TG: variants seen among roughly 807,000 people sequenced by gnomAD.
The protein encoded by TG is thyroid hormones.
A neutral mutation model predicts 324.7 loss-of-function variants in TG; 270 were observed. The ratio of observed to expected loss-of-function variants is 0.83; its 90% confidence interval spans 0.75 to 0.92. The LOEUF (loss-of-function observed/expected upper bound fraction) is 0.92, where lower values mean the gene tolerates loss of function less well. Among genes scored for constraint, TG ranks in the 40% least tolerant of loss-of-function variants. The pLI is 0.00. For synonymous variants in TG, 1,401 were observed against 1,327.0 expected (o/e 1.06, Z -1.21); for missense variants, 3,591 against 3,456.4 (o/e 1.04, Z -0.98).
At chr8:133,049,598 C>T in intron 41 of TG, 2 of 386,512 alleles carry the variant, frequency 5.2e-6, no homozygotes, top group Admixed American at 3.6e-5. Flanking sequence ...CTAGTCTCTG[C>T]ACTGTGCTGT....
At chr8:132,995,272 T>C in intron 35 of TG, 4 of 980,958 alleles carry the variant, frequency 4.1e-6, no homozygotes, top group Middle Eastern at 1.0e-3. Flanking sequence ...GTCCTATGTG[T>C]AACATGCTTA....
At chr8:133,080,166 C>T (rs1564163644) in intron 41 of TG, among the ~76,000 whole-genome samples, 1 of 152,136 alleles carries the variant, frequency 6.6e-6, no homozygotes, top group African/African-American at 2.4e-5. Flanking sequence ...GAGGAAAAAA[C>T]ACCAGGCAAA....
chr8:132,940,611 G>A (rs1476344691), intron 25 of TG, among the ~76,000 whole-genome samples: 1 of 152,204 alleles, frequency 6.6e-6, no homozygotes, highest in Non-Finnish European at 1.5e-5. Context: ...GAGGGTGTAA[G>A]GAAGGGTTGA....
intron 37 of TG, among the ~76,000 whole-genome samples, chr8:133,015,844 C>T (rs1267558171): frequency 6.6e-6 from 1 of 152,206 alleles, no homozygotes; most frequent in Non-Finnish European, 1.5e-5. Flanking sequence ...CTGTTCCTTT[C>T]CAGCCTGAGT....
chr8:133,030,828 C>T (rs1836568904), intron 41 of TG, among the ~76,000 whole-genome samples: 1 of 152,168 alleles, frequency 6.6e-6, no homozygotes, highest in Non-Finnish European at 1.5e-5. Flanking sequence ...AGGCATTTAC[C>T]TAGAGACAAA....
chr8:133,039,310 G>A (rs752813080), intron 41 of TG, among the ~76,000 whole-genome samples: 5 of 152,074 alleles, frequency 3.3e-5, no homozygotes, highest in Admixed American at 6.6e-5. Context: ...CACTTAACCC[G>A]TCTGAACTGC....
At chr8:133,047,814 G>A (rs1839733638) in intron 41 of TG, 3 of 1,392,610 alleles carry the variant, frequency 2.2e-6, no homozygotes, top group South Asian at 1.2e-5. Context: ...GGAAAGATGA[G>A]TTGGGGGCCA....
Position 132,923,447 on chromosome 8 carries a change from C to G in TG, c.4638C>G (p.Gly1546=). 6.2e-7 allele frequency: 1 copy of G among 1,613,904 alleles called. No individual in the cohort carries two copies. Among genetic ancestry groups the G allele is most frequent in the Non-Finnish European group, 8.5e-7 (1 of 1,179,980 alleles). Residue 1546 remains glycine (G), a synonymous_variant, in exon 22 of 48, where the codon GGC becomes GGG. Coordinates refer to ENST00000220616, the MANE Select transcript of TG (RefSeq NM_003235.5). The stretch of plus-strand genomic sequence containing the variant: ...GTGGGAAGGCCTTCTGTGTGGACGG[C>G]GAGGGGCGGAGGCTGCCATGGTGGG... ...RGSGKAFCVD[G]EGRRLPWWET... is the part of the protein sequence containing the mutation.
intron 45 of TG, among the ~76,000 whole-genome samples, chr8:133,120,505 C>A (rs1409411266): frequency 6.6e-6 from 1 of 152,144 alleles, no homozygotes; most frequent in Non-Finnish European, 1.5e-5. Context: ...GGAGCATGCT[C>A]CCCCTGTAGG....
At chr8:132,889,840 G>A (rs1415410087) in intron 10 of TG, among the ~76,000 whole-genome samples, 1 of 152,108 alleles carries the variant, frequency 6.6e-6, no homozygotes, top group Non-Finnish European at 1.5e-5. Context: ...GCAATGGAGC[G>A]ATCTCAGCTC....
At position 132,881,950 on chromosome 8, in the gene TG, G is replaced by A; in HGVS notation, c.726G>A (p.Gly242=). 1 of 1,613,664 alleles carries A rather than the reference G, an allele frequency of 6.2e-7. No individual in the cohort carries two copies. The highest frequency in any genetic ancestry group is 1.3e-5 in the African/African-American group (1 of 75,040). Residue 242 remains glycine, a synonymous_variant, in exon 6 of 48, where the codon GGG becomes GGA. Coordinates refer to ENST00000220616, the MANE Select transcript of TG (RefSeq NM_003235.5). ...ATTGCCACTGTGCTGACAGCCAAGG[G>A]CGGGAACTGGCTGAGACAGGTGAGT... is the stretch of plus-strand genomic sequence containing the variant. ...SGYCHCADSQ[G]RELAETGLEL...
intron 20 of TG, among the ~76,000 whole-genome samples, chr8:132,917,378 G>T (rs1820490846): frequency 7.4e-6 from 1 of 135,668 alleles, no homozygotes; most frequent in Non-Finnish European, 1.7e-5. Flanking sequence ...GTGCATGTTT[G>T]TGCATGTATA....
rs769596915 is a variant in TG at position 133,095,225 on chromosome 8, A to G, written c.7404+17A>G. On this transcript the variant is annotated intron_variant, in intron 42 of 47. Coordinates refer to ENST00000220616, the MANE Select transcript of TG (RefSeq NM_003235.5). The stretch of plus-strand genomic sequence containing the variant: ...CAGACCAAGGTGAGCACTTAAGTGC[A>G]AGTTGGGAAGGGACATTCTCTGGTC... 18 of 1,614,100 alleles carry G rather than the reference A, an allele frequency of 1.1e-5. No homozygotes were observed. In the South Asian group the frequency reaches 2.0e-4, roughly 18 times the overall value.
At position 132,935,738 on chromosome 8, in the gene TG, G is replaced by A. The variant is rs144005618; in HGVS notation, c.4933-18G>A. 2.2e-4 allele frequency: 347 copies of A among 1,592,564 alleles called. 1 individual carries two copies. In the African/African-American group the frequency reaches 3.2e-3, roughly 15 times the overall value. The stretch of plus-strand genomic sequence containing the variant: ...TAAAGTATTGCAGGATAATAATGCA[G>A]CATCTTTCCATCTCCAGAAACGAGA... On this transcript the variant is annotated intron_variant, in intron 24 of 47. Transcript: ENST00000220616.
At chr8:133,098,838 G>A (rs981921215) in intron 43 of TG, among the ~76,000 whole-genome samples, 7 of 152,136 alleles carry the variant, frequency 4.6e-5, no homozygotes, top group Admixed American at 2.6e-4. Context: ...GATTATGCCC[G>A]TTCATTGTGA....
chr8:132,873,215 A>G lies in TG; in HGVS notation c.632A>G (p.Tyr211Cys). 1 of 1,614,164 alleles carries G rather than the reference A, an allele frequency of 6.2e-7. No individual in the cohort carries two copies. The highest frequency in any genetic ancestry group is 8.5e-7 in the Non-Finnish European group (1 of 1,180,020). The change falls in exon 5 of 48, where the codon TAC becomes TGC. Residue 211 changes from tyrosine (Y) to cysteine (C), a missense_variant. Physicochemically the swap from Tyr to Cys is radical, Grantham distance 194. Transcript: ENST00000220616. ...ATGATTTTTGATCTGGTCCACAGCTACAACAGGTAAGGGGAGCAGGGGTGT... is the reference window on the plus strand; with the variant it reads ...ATGATTTTTGATCTGGTCCACAGCTGCAACAGGTAAGGGGAGCAGGGGTGT... ...DMMIFDLVHSYNRFPDAFVTF... is the reference protein window; with the variant it reads ...DMMIFDLVHSCNRFPDAFVTF...
intron 26 of TG, among the ~76,000 whole-genome samples, chr8:132,942,493 A>G (rs537885367): frequency 5.3e-4 from 80 of 152,334 alleles, no homozygotes; most frequent in African/African-American, 1.7e-3. Flanking sequence ...ATATCTTGTT[A>G]TGGTTCTCAC....
chr8:132,903,731 T>C (rs1327800870), intron 16 of TG, among the ~76,000 whole-genome samples: 1 of 152,076 alleles, frequency 6.6e-6, no homozygotes, highest in Non-Finnish European at 1.5e-5. Context: ...CTGCAGACTG[T>C]GATGGAGAGG....
chr8:133,047,531 G>A, intron 41 of TG: 1 of 421,776 alleles, frequency 2.4e-6, no homozygotes, highest in Admixed American at 3.7e-5. Context: ...ACAGCATGCT[G>A]CCTACACACT....
Sources: allele counts gnomAD v4.1 joint callset (sites outside exome capture counted in the v4.1 genomes callset), GRCh38; gene constraint gnomAD v4.1.1; transcripts MANE v1.5; gene names NCBI Gene and HGNC (gene_info 2026-07-23, HGNC 2026-07-21).